Variants in CCDC124 observed in about 807,000 individuals in gnomAD.
CCDC124 encodes coiled-coil domain containing 124.
A neutral mutation model predicts 19.8 loss-of-function variants in CCDC124; 9 were observed. That is an observed-to-expected ratio of 0.45 (90% confidence interval 0.27 to 0.79). CCDC124 has a LOEUF of 0.79. Among genes scored for constraint, CCDC124 ranks in the 30% least tolerant of loss-of-function variants. The pLI, the probability that CCDC124 is intolerant of heterozygous loss-of-function variation, is 0.14. For synonymous variants in CCDC124, 126 were observed against 131.3 expected, an observed-to-expected ratio of 0.96 and a Z score of 0.27; for missense variants, 285 against 319.0, an observed-to-expected ratio of 0.89 and a Z score of 0.81.
Position 17,942,822 on chromosome 19 carries a change from A to G in CCDC124, c.326A>G (p.Gln109Arg), listed in dbSNP as rs200503204. 4.1e-5 allele frequency: 63 copies of G among 1,525,988 alleles called. No individual in the cohort carries two copies. The African/African-American group carries it at 7.1e-4, about 17-fold the overall frequency. 94.5% of individuals were successfully genotyped at this position (1,525,988 alleles called of 1,614,324 possible). A position where few individuals can be genotyped will look rare whatever the true frequency, so the allele number is the denominator to read the frequency against. The change falls in exon 3 of 5, where the codon CAG becomes CGG. Residue 109 changes from glutamine (Q) to arginine (R), a missense_variant. By Grantham distance (43) the Gln-to-Arg change is conservative. Coordinates refer to ENST00000445755, the MANE Select transcript of CCDC124 (RefSeq NM_001136203.2). This position sits in a 1 kb window ranked among gnomAD's most constrained non-coding sequence, Gnocchi z 4.2. ...GAGGACACGCTGCGCCGAGACCATC[A>G]GCTCAGGGAGGCCCCGGACACAGGT... is the stretch of plus-strand genomic sequence containing the variant. ...QIEDTLRRDH[Q>R]LREAPDTAEK...
At position 17,942,250 on chromosome 19, in the gene CCDC124, G is replaced by T. The variant is rs894717311; in HGVS notation, c.160-406G>T. ...TCCCTGGCCCCCAGAGGCTCCGCAT[G>T]GCCCAGCCGTCTCCCTCCCGGCCTC... On this transcript the variant is annotated intron_variant, in intron 2 of 4. Coordinates refer to ENST00000445755, the MANE Select transcript of CCDC124 (RefSeq NM_001136203.2). This position sits in a 1 kb window ranked among gnomAD's most constrained non-coding sequence, Gnocchi z 4.2. Among the ~76,000 whole-genome samples the T allele has an allele frequency of 2.6e-5, 4 of 152,028 alleles. No individual in the cohort carries two copies. Among genetic ancestry groups the T allele is most frequent in the Non-Finnish European group, 5.9e-5 (4 of 67,982 alleles).
chr19:17,935,561 T>C (rs1357570396), intron 1 of CCDC124, among the ~76,000 whole-genome samples: 2 of 150,192 alleles, frequency 1.3e-5, no homozygotes, highest in Admixed American at 6.6e-5. Context: ...GCTGGGATTA[T>C]AGGCATGTGC....
Position 17,943,258 on chromosome 19 carries a change from C to T in CCDC124, c.350-3C>T. On this transcript the variant is annotated splice_region_variant and splice_polypyrimidine_tract_variant and intron_variant, in intron 3 of 4. Transcript: ENST00000445755. ...TGTCTCTGTCACCCACCCACCCGCC[C>T]AGCCGAGAAAGCCAAGAGCCATCTG... 1 of 1,515,992 alleles carries T rather than the reference C, an allele frequency of 6.6e-7. No individual in the cohort carries two copies. Among genetic ancestry groups the T allele is most frequent in the Non-Finnish European group, 8.9e-7 (1 of 1,124,400 alleles). 93.9% of individuals were successfully genotyped at this position (1,515,992 alleles called of 1,614,324 possible).
At chr19:17,941,063 G>A (rs1189285239) in intron 2 of CCDC124, among the ~76,000 whole-genome samples, 1 of 151,670 alleles carries the variant, frequency 6.6e-6, no homozygotes, top group Non-Finnish European at 1.5e-5. Flanking sequence ...ACAAACGAAC[G>A]AAAAAAACAC....
intron 1 of CCDC124, chr19:17,936,191 C>G: frequency 2.2e-6 from 1 of 458,222 alleles, no homozygotes; most frequent in Non-Finnish European, 3.9e-6. Context: ...GGGTGTGAGC[C>G]ACCAGACCTG....
intron 2 of CCDC124, 123 bp downstream of exon 2, chr19:17,936,702 C>A: frequency 7.9e-7 from 1 of 1,270,234 alleles, no homozygotes; most frequent in Non-Finnish European, 1.1e-6. Flanking sequence ...CAGGAGGGAC[C>A]AGGCGCTGTC....
rs758579902 is a variant in CCDC124 at position 17,943,258 on chromosome 19, C to A, written c.350-3C>A. 6.6e-7 allele frequency: 1 copy of A among 1,515,948 alleles called. No homozygotes were observed. The highest frequency in any genetic ancestry group is 8.9e-7 in the Non-Finnish European group (1 of 1,124,370). 93.9% of individuals were successfully genotyped at this position (1,515,948 alleles called of 1,614,324 possible). ...TGTCTCTGTCACCCACCCACCCGCC[C>A]AGCCGAGAAAGCCAAGAGCCATCTG... On this transcript the variant is annotated splice_region_variant and splice_polypyrimidine_tract_variant and intron_variant, in intron 3 of 4. Transcript: ENST00000445755.
chr19:17,938,616 C>A (rs1462692846), intron 2 of CCDC124, among the ~76,000 whole-genome samples: 1 of 152,040 alleles, frequency 6.6e-6, no homozygotes, highest in Non-Finnish European at 1.5e-5. Flanking sequence ...TTTTTAAAGA[C>A]GGTCTTGCTC....
rs1048246262 is a variant in CCDC124, at chr19:17,943,887, C to T, written c.*172C>T. 7.8e-6 allele frequency: 5 copies of T among 640,128 alleles called. No individual in the cohort carries two copies. Among genetic ancestry groups the T allele is most frequent in the Non-Finnish European group, 1.4e-5 (5 of 369,600 alleles). The allele number at this position is 640,128 out of a possible 1,614,324, so 39.7% of individuals were successfully genotyped here. On this transcript the variant is annotated 3_prime_UTR_variant, in exon 5 of 5. Coordinates refer to ENST00000445755, the MANE Select transcript of CCDC124 (RefSeq NM_001136203.2). ...CGTCCTCCCGCCAGAGGGTCCCTGC[C>T]CCGAGTGACACCCCATCCCCTCCCA...
chr19:17,936,379 C>A, intron 1 of CCDC124, 31 bp from the exon 2 acceptor site: 1 of 1,575,646 alleles, frequency 6.3e-7, no homozygotes, highest in Non-Finnish European at 8.6e-7. Context: ...CCTCCGGCCC[C>A]TGCTCCCCCA....
intron 1 of CCDC124, among the ~76,000 whole-genome samples, chr19:17,935,476 A>G (rs1023871823): frequency 9.2e-5 from 14 of 151,476 alleles, no homozygotes; most frequent in Non-Finnish European, 1.8e-4. Flanking sequence ...GCTGGAGTGC[A>G]GTGGTGTGAT....
intron 2 of CCDC124, among the ~76,000 whole-genome samples, chr19:17,941,421 A>C (rs1292513849): frequency 3.3e-5 from 5 of 151,516 alleles, no homozygotes. Context: ...CTGAGGCATG[A>C]GAATTGCTTG....
chr19:17,936,540 G>C lies in CCDC124; in HGVS notation c.120G>C (p.Lys40Asn). ...KQKELEDAYW[K>N]DDDKHVMRKE... ...AGGAGCTGGAGGATGCCTACTGGAA[G>C]GACGACGACAAACACGTCATGAGGA... The change falls in exon 2 of 5, where the codon AAG becomes AAC. Residue 40 changes from lysine to asparagine, a missense_variant. Coordinates refer to ENST00000445755, the MANE Select transcript of CCDC124 (RefSeq NM_001136203.2). 1.2e-6 allele frequency: 2 copies of C among 1,613,578 alleles called. No homozygotes were observed. The highest frequency in any genetic ancestry group is 1.7e-6 in the Non-Finnish European group (2 of 1,179,850).
chr19:17,939,710 C>T (rs1171430095), intron 2 of CCDC124, among the ~76,000 whole-genome samples: 1 of 151,940 alleles, frequency 6.6e-6, no homozygotes, highest in East Asian at 1.9e-4. Flanking sequence ...GCAACCTCTG[C>T]CTCCCAAGTT....
At position 17,936,563 on chromosome 19, in the gene CCDC124, G is replaced by A. The variant is rs771362992; in HGVS notation, c.143G>A (p.Arg48Lys). The A allele has an allele frequency of 2.5e-5, 41 of 1,613,102 alleles. No individual in the cohort carries two copies. The East Asian group carries it at 7.8e-4, about 31-fold the overall frequency. ...AAGGACGACGACAAACACGTCATGAGGAAGGAGCAGCGCAAGGTGCGTGCA... is the reference window on the plus strand; with the variant it reads ...AAGGACGACGACAAACACGTCATGAAGAAGGAGCAGCGCAAGGTGCGTGCA... ...YWKDDDKHVMRKEQRKEEKEK... is the reference protein window; with the variant it reads ...YWKDDDKHVMKKEQRKEEKEK... The change falls in exon 2 of 5, where the codon AGG (arginine) becomes AAG (lysine). Residue 48 changes from arginine to lysine, a missense_variant. Physicochemically the swap from Arg to Lys is conservative, Grantham distance 26. Transcript: ENST00000445755.
chr19:17,941,523 A>AG (rs1451244787), intron 2 of CCDC124, among the ~76,000 whole-genome samples: 1 of 151,952 alleles, frequency 6.6e-6, no homozygotes, highest in African/African-American at 2.4e-5. Flanking sequence ...AAAAAAAAAA[A>AG]AAAGGACCCT....
intron 1 of CCDC124, among the ~76,000 whole-genome samples, chr19:17,933,682 C>T (rs1967560641): frequency 1.3e-5 from 2 of 152,180 alleles, no homozygotes; most frequent in Admixed American, 6.5e-5. Flanking sequence ...CCTCCTGCAT[C>T]CCGCGTGCAG....
chr19:17,938,716 C>A (rs1406947780), intron 2 of CCDC124, among the ~76,000 whole-genome samples: 1 of 152,124 alleles, frequency 6.6e-6, no homozygotes, highest in African/African-American at 2.4e-5. Context: ...CTCAGCCTCC[C>A]AAGTAGCTGG....
At position 17,942,639 on chromosome 19, in the gene CCDC124, G is replaced by T; in HGVS notation, c.160-17G>T. On this transcript the variant is annotated splice_polypyrimidine_tract_variant and intron_variant, in intron 2 of 4. Transcript: ENST00000445755. This position sits in a 1 kb window ranked among gnomAD's most constrained non-coding sequence, Gnocchi z 4.2. ...GGTGTGGGGTCTTCTGCCTGACCAT[G>T]CACGCCGCCCCCGCAGGAGGAGAAG... 1 of 1,551,640 alleles carries T rather than the reference G, an allele frequency of 6.4e-7. No homozygotes were observed. The highest frequency in any genetic ancestry group is 8.7e-7 in the Non-Finnish European group (1 of 1,147,804).
Sources: gnomAD v4.1 joint callset for allele counts (sites outside exome capture counted in the v4.1 genomes callset) on GRCh38, gnomAD v4.1.1 for gene constraint, Gnocchi (gnomAD v3.1) non-coding constraint, MANE v1.5 for transcripts, NCBI Gene and HGNC (gene_info 2026-07-23, HGNC 2026-07-21) for gene names.